TUBB6: variants seen among roughly 807,000 people sequenced by gnomAD.
TUBB6 encodes tubulin beta 6 class V.
In TUBB6, 18 loss-of-function variants were observed where a neutral mutation model predicts 32.3. The ratio of observed to expected loss-of-function variants is 0.56; its 90% CI spans 0.39 to 0.83. The LOEUF (loss-of-function observed/expected upper bound fraction) is 0.83, where lower values mean the gene tolerates loss of function less well. Among genes scored for constraint, TUBB6 ranks in the 40% least tolerant of loss-of-function variants. The pLI is 0.00. For synonymous variants in TUBB6, 280 were observed against 265.8 expected, an observed-to-expected ratio of 1.05 and a Z score of -0.52; for missense variants, 480 against 632.0, an observed-to-expected ratio of 0.76 and a Z score of 2.58.
rs779990413 is a variant in TUBB6, at chr18:12,325,797, G to C, written c.1008G>C (p.Lys336Asn). The C allele has an allele frequency of 9.9e-6, 16 of 1,614,244 alleles. No homozygotes were observed. The highest frequency in any genetic ancestry group is 2.2e-5 in the East Asian group (1 of 44,882). ...AGCAGATGCTGGCCATCCAGAGTAA[G>C]AACAGCAGCTACTTCGTGGAGTGGA... ...VDEQMLAIQS[K>N]NSSYFVEWIP... The change falls in exon 4 of 4, where the codon AAG becomes AAC. Residue 336 changes from lysine (K) to asparagine (N), a missense_variant. Physicochemically the swap from Lys to Asn is moderately conservative, Grantham distance 94. Coordinates refer to ENST00000317702, the MANE Select transcript of TUBB6 (RefSeq NM_032525.3).
intron 1 of TUBB6, 160 bp downstream of exon 1, chr18:12,308,509 C>T: frequency 4.3e-6 from 3 of 691,458 alleles, no homozygotes; most frequent in Non-Finnish European, 6.7e-6. Flanking sequence ...GCGCCCGGGG[C>T]GTGGCCGGCC....
chr18:12,321,473 G>T (rs1906983803), intron 3 of TUBB6, among the ~76,000 whole-genome samples: 1 of 152,216 alleles, frequency 6.6e-6, no homozygotes, highest in Non-Finnish European at 1.5e-5. Context: ...ACTAATTAAA[G>T]ATTGACAAGT....
chr18:12,311,122 A>G (rs1038694764), intron 3 of TUBB6, 69 bp downstream of exon 3: 111 of 1,292,908 alleles, frequency 8.6e-5, no homozygotes, highest in Non-Finnish European at 1.2e-4. Context: ...TATATGCCAG[A>G]TTTAAAGCAT....
Position 12,325,428 on chromosome 18 carries a change from C to A in TUBB6, c.639C>A (p.Arg213=), listed in dbSNP as rs1320349972. The change falls in exon 4 of 4, where the codon CGC becomes CGA. Residue 213 remains arginine (R), a synonymous_variant. Coordinates refer to ENST00000317702, the MANE Select transcript of TUBB6 (RefSeq NM_032525.3). Reference sequence around the variant, plus strand: ...AGGCGCTCTATGACATCTGCTTCCGCACTCTGAAGCTGACAACGCCCACCT... The same window carrying A: ...AGGCGCTCTATGACATCTGCTTCCGAACTCTGAAGCTGACAACGCCCACCT... ...DNEALYDICF[R]TLKLTTPTYG... is the part of the protein sequence containing the mutation. 6.2e-7 allele frequency: 1 copy of A among 1,614,252 alleles called. No individual in the cohort carries two copies. The highest frequency in any genetic ancestry group is 8.5e-7 in the Non-Finnish European group (1 of 1,180,044).
chr18:12,329,480 T>A (rs1192597377), downstream of TUBB6: 4 of 1,391,722 alleles, frequency 2.9e-6, no homozygotes, highest in African/African-American at 5.7e-5. Flanking sequence ...CAGCGCAGCA[T>A]TCCCATTCTT....
At chr18:12,314,029 T>C (rs1906534701) in intron 3 of TUBB6, among the ~76,000 whole-genome samples, 2 of 152,188 alleles carry the variant, frequency 1.3e-5, no homozygotes, top group Admixed American at 1.3e-4. Context: ...AGATCAGCAT[T>C]GAGTAACTCA....
At chr18:12,317,580 G>A (rs746642150) in intron 3 of TUBB6, among the ~76,000 whole-genome samples, 11 of 152,236 alleles carry the variant, frequency 7.2e-5, no homozygotes, top group African/African-American at 1.4e-4. Context: ...AAAGGTAAAC[G>A]TTCTTCCAGC....
intron 2 of TUBB6, among the ~76,000 whole-genome samples, chr18:12,309,036 A>G (rs1383230854): frequency 1.3e-5 from 2 of 152,124 alleles, no homozygotes; most frequent in African/African-American, 4.8e-5. Flanking sequence ...TTGTGAAATC[A>G]ACGTAGCGGT....
At chr18:12,307,700 G>C (rs1035602158), upstream of TUBB6, 1 of 152,256 alleles carries the variant, frequency 6.6e-6, no homozygotes, top group African/African-American at 2.4e-5. Context: ...AAAGGGGTGG[G>C]AGTCGTCGGA....
downstream of TUBB6, among the ~76,000 whole-genome samples, chr18:12,327,672 G>A (rs1361704107): frequency 2.0e-5 from 3 of 152,190 alleles, no homozygotes; most frequent in Non-Finnish European, 4.4e-5. Context: ...AGGGAGCCAC[G>A]GTTGCTCCTA....
intron 3 of TUBB6, among the ~76,000 whole-genome samples, chr18:12,312,183 A>G (rs769941543): frequency 6.6e-6 from 1 of 152,236 alleles, no homozygotes; most frequent in Non-Finnish European, 1.5e-5. Flanking sequence ...ACTTCCCAAC[A>G]TTTCCTATGA....
chr18:12,325,164 G>A lies in TUBB6; in HGVS notation c.375G>A (p.Glu125=). Reference sequence around the variant, plus strand: ...TGGACGTGGTGCGGAAGGAGTGCGAGCACTGCGACTGCCTGCAGGGCTTCC... The same window carrying A: ...TGGACGTGGTGCGGAAGGAGTGCGAACACTGCGACTGCCTGCAGGGCTTCC... The part of the protein sequence containing the change: ...AVLDVVRKEC[E]HCDCLQGFQL... The change falls in exon 4 of 4, where the codon GAG becomes GAA. Residue 125 remains glutamate (E), a synonymous_variant. Transcript: ENST00000317702. 6.2e-7 allele frequency: 1 copy of A among 1,613,786 alleles called. No homozygotes were observed. Among genetic ancestry groups the A allele is most frequent in the Middle Eastern group, 1.7e-4 (1 of 6,058 alleles).
intron 3 of TUBB6, among the ~76,000 whole-genome samples, chr18:12,314,034 A>G (rs1453743043): frequency 6.6e-6 from 1 of 152,192 alleles, no homozygotes; most frequent in Non-Finnish European, 1.5e-5. Flanking sequence ...AGCATTGAGT[A>G]ACTCACTTAC....
In TUBB6 at chr18:12,311,010, T is replaced by C. The variant is rs767650171; in HGVS notation, c.234T>C (p.Ser78=). ...CAGGCACCATGGACAGCGTGCGGTCTGGGCCTTTTGGGCAGCTTTTCCGGC... is the reference window on the plus strand; with the variant it reads ...CAGGCACCATGGACAGCGTGCGGTCCGGGCCTTTTGGGCAGCTTTTCCGGC... ...LEPGTMDSVR[S]GPFGQLFRPD... is the part of the protein sequence containing the mutation. The change falls in exon 3 of 4, where the codon TCT becomes TCC. Residue 78 remains serine, a synonymous_variant. Transcript: ENST00000317702. The C allele has an allele frequency of 6.2e-7, 1 of 1,613,780 alleles. No individual in the cohort carries two copies. The highest frequency in any genetic ancestry group is 8.5e-7 in the Non-Finnish European group (1 of 1,179,778).
In TUBB6 at chr18:12,311,034, G is replaced by A; in HGVS notation, c.258G>A (p.Arg86=). 1 of 1,613,104 alleles carries A rather than the reference G, an allele frequency of 6.2e-7. No homozygotes were observed. The highest frequency in any genetic ancestry group is 2.2e-5 in the East Asian group (1 of 44,832). ...CTGGGCCTTTTGGGCAGCTTTTCCG[G>A]CCTGACAACTTCATCTTTGGTAGGT... ...VRSGPFGQLF[R]PDNFIFGQTG... Residue 86 remains arginine (R), a synonymous_variant, in exon 3 of 4, where the codon CGG becomes CGA. Transcript: ENST00000317702.
In TUBB6 at chr18:12,308,941, G is replaced by A. The variant is rs1258528562; in HGVS notation, c.166+146G>A. 2.7e-5 allele frequency: 17 copies of A among 633,102 alleles called. No individual in the cohort carries two copies. In the South Asian group the frequency reaches 2.7e-4, roughly 10 times the overall value. 39.2% of individuals were successfully genotyped at this position (633,102 alleles called of 1,614,324 possible). A position where few individuals can be genotyped will look rare whatever the true frequency, so the allele number is the denominator to read the frequency against. ...GCCACTCCCTTCGCTCCTCCGGGGCGGGAAATCCGCCGTCAGTTTATTCAA... is the reference window on the plus strand; with the variant it reads ...GCCACTCCCTTCGCTCCTCCGGGGCAGGAAATCCGCCGTCAGTTTATTCAA... On this transcript the variant is annotated intron_variant, in intron 2 of 3. Coordinates refer to ENST00000317702, the MANE Select transcript of TUBB6 (RefSeq NM_032525.3).
intron 2 of TUBB6, among the ~76,000 whole-genome samples, chr18:12,309,630 A>G (rs956350835): frequency 2.0e-5 from 3 of 152,192 alleles, no homozygotes; most frequent in African/African-American, 7.2e-5. Context: ...TGAAATTTCT[A>G]GAGGACACTA....
upstream of TUBB6, chr18:12,307,952 C>G (rs1295107260): frequency 6.6e-6 from 1 of 152,112 alleles, no homozygotes; most frequent in Non-Finnish European, 1.5e-5. Context: ...CGCCAGGGCC[C>G]GACTCGCGTC....
intron 3 of TUBB6, 103 bp from the exon 4 acceptor site, chr18:12,324,964 C>T (rs745360779): frequency 2.0e-5 from 30 of 1,508,268 alleles, no homozygotes; most frequent in Non-Finnish European, 2.7e-5. Context: ...CTTTGGCTAA[C>T]AGCACATCAT....
Sources: gnomAD v4.1 joint callset for allele counts (sites outside exome capture counted in the v4.1 genomes callset) on GRCh38, gnomAD v4.1.1 for gene constraint, MANE v1.5 for transcripts, NCBI Gene and HGNC (gene_info 2026-07-23, HGNC 2026-07-21) for gene names.